DENND3: variants seen among roughly 807,000 people sequenced by gnomAD.
DENND3 encodes DENN domain-containing protein 3.
DENND3 carries 88 observed loss-of-function variants against 135.1 expected under a neutral mutation model. The observed-to-expected ratio is 0.65, with a 90% CI of 0.55 to 0.78. The LOEUF (loss-of-function observed/expected upper bound fraction) is 0.78, where lower values mean the gene tolerates loss of function less well. Among genes scored for constraint, DENND3 ranks in the 30% least tolerant of loss-of-function variants. The pLI, the probability that DENND3 is intolerant of heterozygous loss-of-function variation, is 0.00. For synonymous variants in DENND3, 693 were observed against 712.3 expected, an observed-to-expected ratio of 0.97 and a Z score of 0.43; for missense variants, 1,392 against 1,688.4, an observed-to-expected ratio of 0.82 and a Z score of 3.08.
rs529136973 is a variant in DENND3, at chr8:141,192,997, C to A, written c.3636+334C>A. The A allele has an allele frequency of 3.0e-5, 29 of 952,898 alleles. No homozygotes were observed. The South Asian group carries it at 4.5e-4, about 15-fold the overall frequency. 59.0% of individuals were successfully genotyped at this position (952,898 alleles called of 1,614,324 possible). On this transcript the variant is annotated intron_variant, in intron 22 of 22. Coordinates refer to ENST00000519811, the MANE Select transcript of DENND3 (RefSeq NM_001352890.3). ...GCTTCCCTCGGGGGCTCGGGGGGAG[C>A]GTGCACTCCAGGCCCTTCTCTCCCC...
chr8:141,191,328 G>C (rs919194446), intron 20 of DENND3: 1 of 152,242 alleles, frequency 6.6e-6, no homozygotes, highest in African/African-American at 2.4e-5. Flanking sequence ...GATGTTTATA[G>C]TATTCATCGC....
chr8:141,180,921 C>A, intron 17 of DENND3, 67 bp downstream of exon 17: 3 of 1,367,528 alleles, frequency 2.2e-6, no homozygotes, highest in Non-Finnish European at 3.1e-6. Context: ...GGTTTGGGTT[C>A]AGGGTCAGCC....
intron 5 of DENND3, 43 bp from the exon 6 acceptor site, chr8:141,150,791 C>T (rs757538424): frequency 3.3e-5 from 51 of 1,543,428 alleles, no homozygotes; most frequent in Middle Eastern, 1.7e-4. Context: ...AGCCTCTGCC[C>T]GGAGCAGCTC....
intron 17 of DENND3, among the ~76,000 whole-genome samples, chr8:141,183,737 T>C (rs1454770637): frequency 2.6e-5 from 3 of 116,754 alleles, no homozygotes; most frequent in African/African-American, 1.1e-4. Flanking sequence ...TTTTGTTTTG[T>C]TTTTTTTTTT....
At chr8:141,169,175 C>T (rs919168958) in intron 13 of DENND3, among the ~76,000 whole-genome samples, 7 of 152,216 alleles carry the variant, frequency 4.6e-5, no homozygotes, top group African/African-American at 1.7e-4. Flanking sequence ...ATTTTAAATG[C>T]TTAACGACAG....
chr8:141,133,166 G>T (rs1487334553), intron 1 of DENND3, among the ~76,000 whole-genome samples: 1 of 152,166 alleles, frequency 6.6e-6, no homozygotes, highest in African/African-American at 2.4e-5. Context: ...AGGTGGAGCA[G>T]CGAGGGGCTG....
rs914674258 is a variant in DENND3, at chr8:141,176,441, C to T, written c.2536-150C>T. On this transcript the variant is annotated intron_variant, in intron 14 of 22. Coordinates refer to ENST00000519811, the MANE Select transcript of DENND3 (RefSeq NM_001352890.3). ...TGCCGTCCATGGGAACACTGCCCCT[C>T]ACCCGGGGCCCTGCCTTCCACATGC... The T allele has an allele frequency of 3.0e-5, 27 of 913,434 alleles. 2 individuals carry two copies. In the South Asian group the frequency reaches 4.0e-4, roughly 13 times the overall value. The allele number at this position is 913,434 out of a possible 1,614,324, so 56.6% of individuals were successfully genotyped here. A position where few individuals can be genotyped will look rare whatever the true frequency, so the allele number is the denominator to read the frequency against.
intron 13 of DENND3, among the ~76,000 whole-genome samples, chr8:141,171,195 G>C (rs899167695): frequency 6.6e-6 from 1 of 152,044 alleles, no homozygotes; most frequent in African/African-American, 2.4e-5. Flanking sequence ...GGCCAAATGG[G>C]CATTTGTTAA....
Position 141,194,323 on chromosome 8 carries a change from TG to T in DENND3, c.*92del. The T allele has an allele frequency of 6.8e-7, 1 of 1,480,246 alleles. No individual in the cohort carries two copies. The highest frequency in any genetic ancestry group is 9.2e-7 in the Non-Finnish European group (1 of 1,091,414). 91.7% of individuals were successfully genotyped at this position (1,480,246 alleles called of 1,614,324 possible). A position where few individuals can be genotyped will look rare whatever the true frequency, so the allele number is the denominator to read the frequency against. ...TGCCAGGAGCAGAAGCCTGGAGGGG[TG>T]GCAGGGCAGAGCAGCCCAGGCTCAG... On this transcript the variant is annotated 3_prime_UTR_variant, in exon 23 of 23. Coordinates refer to ENST00000519811, the MANE Select transcript of DENND3 (RefSeq NM_001352890.3).
chr8:141,194,399 C>A lies in DENND3; in HGVS notation c.*166C>A. ...CAGCCGCGAGACCCATGGCCACGCACCTTCTCTCAGGCCTTCGGGCCCCCT... is the reference window on the plus strand; with the variant it reads ...CAGCCGCGAGACCCATGGCCACGCAACTTCTCTCAGGCCTTCGGGCCCCCT... On this transcript the variant is annotated 3_prime_UTR_variant, in exon 23 of 23. Transcript: ENST00000519811. 1 of 764,904 alleles carries A rather than the reference C, an allele frequency of 1.3e-6. No individual in the cohort carries two copies. Among genetic ancestry groups the A allele is most frequent in the Non-Finnish European group, 2.1e-6 (1 of 482,260 alleles). The allele number at this position is 764,904 out of a possible 1,614,324, so 47.4% of individuals were successfully genotyped here. A position where few individuals can be genotyped will look rare whatever the true frequency, so the allele number is the denominator to read the frequency against.
chr8:141,134,170 C>T (rs193197840), intron 1 of DENND3, among the ~76,000 whole-genome samples: 1 of 152,014 alleles, frequency 6.6e-6, no homozygotes, highest in African/African-American at 2.4e-5. Context: ...TCAGAACTGT[C>T]CATTCTGATG....
Position 141,167,855 on chromosome 8 carries a change from G to T in DENND3, c.1754-149G>T. 10 of 1,100,944 alleles carry T rather than the reference G, an allele frequency of 9.1e-6. No homozygotes were observed. The highest frequency in any genetic ancestry group is 1.3e-5 in the Non-Finnish European group (10 of 775,634). 68.2% of individuals were successfully genotyped at this position (1,100,944 alleles called of 1,614,324 possible). The stretch of plus-strand genomic sequence containing the variant: ...TCTCTCATGCCTCCCAGGGGGGTGG[G>T]TGTGTGGAGCTTTCTGGAGGGAGCA... On this transcript the variant is annotated intron_variant, in intron 12 of 22. Coordinates refer to ENST00000519811, the MANE Select transcript of DENND3 (RefSeq NM_001352890.3). This position sits in a 1 kb window ranked among gnomAD's most constrained non-coding sequence, Gnocchi z 4.1.
chr8:141,135,037 C>T (rs966543814), intron 1 of DENND3, among the ~76,000 whole-genome samples: 2 of 152,088 alleles, frequency 1.3e-5, no homozygotes, highest in East Asian at 3.9e-4. Flanking sequence ...GACGGGGTTT[C>T]ACTGTGTTAG....
In DENND3 at chr8:141,194,192, G is replaced by A. The variant is rs778331878; in HGVS notation, c.3796G>A (p.Gly1266Ser). 2.5e-6 allele frequency: 4 copies of A among 1,613,480 alleles called. No homozygotes were observed. Among genetic ancestry groups the A allele is most frequent in the South Asian group, 2.2e-5 (2 of 90,822 alleles). The change falls in exon 23 of 23, where the codon GGC (glycine) becomes AGC (serine). Residue 1266 changes from glycine to serine, a missense_variant. Coordinates refer to ENST00000519811, the MANE Select transcript of DENND3 (RefSeq NM_001352890.3). ...GGACAGATACGTGCTGAGTGGGTCGGGCAGGGAGGAGGGGAAAGTCGCCAT... is the reference window on the plus strand; with the variant it reads ...GGACAGATACGTGCTGAGTGGGTCGAGCAGGGAGGAGGGGAAAGTCGCCAT... ...AEDRYVLSGS[G>S]REEGKVAIWK...
chr8:141,165,124 C>T (rs1247834193), intron 10 of DENND3, 62 bp from the exon 11 acceptor site: 23 of 1,327,278 alleles, frequency 1.7e-5, no homozygotes, highest in Non-Finnish European at 2.3e-5. Context: ...GGCTCAGGGG[C>T]TTTGGAGCAG....
At chr8:141,170,584 G>A (rs1821419726) in intron 13 of DENND3, among the ~76,000 whole-genome samples, 1 of 152,194 alleles carries the variant, frequency 6.6e-6, no homozygotes, top group African/African-American at 2.4e-5. Flanking sequence ...ATGAGGGTGA[G>A]CTCAGATGCT....
intron 8 of DENND3, among the ~76,000 whole-genome samples, chr8:141,159,385 G>A (rs951691137): frequency 2.6e-5 from 4 of 152,158 alleles, no homozygotes; most frequent in Non-Finnish European, 4.4e-5. Context: ...ATGCTGGGCC[G>A]CACTGGGTCC....
intron 13 of DENND3, among the ~76,000 whole-genome samples, chr8:141,171,288 A>T (rs746242055): frequency 6.6e-6 from 1 of 152,250 alleles, no homozygotes; most frequent in Non-Finnish European, 1.5e-5. Flanking sequence ...CAGAGATTTT[A>T]TTGAAAAATA....
At chr8:141,169,796 G>C (rs943625803) in intron 13 of DENND3, among the ~76,000 whole-genome samples, 1 of 152,244 alleles carries the variant, frequency 6.6e-6, no homozygotes, top group Non-Finnish European at 1.5e-5. Context: ...TTTTACTCAT[G>C]GTGTTTTCAA....
Sources: gnomAD v4.1 joint callset for allele counts (sites outside exome capture counted in the v4.1 genomes callset) on GRCh38, gnomAD v4.1.1 for gene constraint, Gnocchi (gnomAD v3.1) non-coding constraint, MANE v1.5 for transcripts, NCBI Gene and HGNC (gene_info 2026-07-23, HGNC 2026-07-21) for gene names.